CNTLN: variants seen among roughly 807,000 people sequenced by gnomAD.
The protein encoded by CNTLN is centlein, also known as centlein, centrosomal protein.
Under a neutral mutation model 180.0 loss-of-function variants are expected in CNTLN, and 212 were observed. The ratio of observed to expected loss-of-function variants is 1.18; its 90% CI spans 1.05 to 1.32. The LOEUF (loss-of-function observed/expected upper bound fraction) is 1.32, where lower values mean the gene tolerates loss of function less well. Ranked by LOEUF, CNTLN falls within the 40% of genes most tolerant of loss-of-function variation. CNTLN has a pLI of 0.00. For missense variants in CNTLN, 2,095 were observed against 1,610.9 expected (o/e 1.30, Z -5.14); for synonymous variants, 722 against 563.1 (o/e 1.28, Z -3.99).
At chr9:17,183,778 C>T (rs1417228383) in intron 2 of CNTLN, among the ~76,000 whole-genome samples, 1 of 152,068 alleles carries the variant, frequency 6.6e-6, no homozygotes, top group South Asian at 2.1e-4. Context: ...ATGAAATACA[C>T]TTCTGCATCC....
intron 23 of CNTLN, among the ~76,000 whole-genome samples, chr9:17,483,885 G>T (rs1042044424): frequency 1.3e-5 from 2 of 152,112 alleles, no homozygotes; most frequent in African/African-American, 4.8e-5. Flanking sequence ...ATTGGTTTAT[G>T]TAACCATTAA....
chr9:17,347,833 A>T (rs796661222), intron 12 of CNTLN, among the ~76,000 whole-genome samples: 1 of 151,952 alleles, frequency 6.6e-6, no homozygotes, highest in Non-Finnish European at 1.5e-5. Flanking sequence ...ATTTTATTTT[A>T]TTTATATATA....
At chr9:17,299,734 C>T in intron 7 of CNTLN, 4 of 983,470 alleles carry the variant, frequency 4.1e-6, no homozygotes, top group Non-Finnish European at 4.8e-6. Flanking sequence ...ATTTGAAACA[C>T]TGTACTTTAT....
chr9:17,192,323 C>G (rs1028741744), intron 2 of CNTLN, among the ~76,000 whole-genome samples: 11 of 149,826 alleles, frequency 7.3e-5, no homozygotes, highest in Admixed American at 2.0e-4. Context: ...ACTGCAAACT[C>G]TGCCTCCCGG....
At chr9:17,180,224 CTG>C (rs1473254810) in intron 2 of CNTLN, among the ~76,000 whole-genome samples, 7 of 141,724 alleles carry the variant, frequency 4.9e-5, no homozygotes, top group African/African-American at 1.8e-4. Flanking sequence ...TTTGCTATCT[CTG>C]TTTTTTTTTT....
At chr9:17,263,356 T>C (rs1482070506) in intron 5 of CNTLN, among the ~76,000 whole-genome samples, 3 of 151,012 alleles carry the variant, frequency 2.0e-5, no homozygotes, top group African/African-American at 7.4e-5. Context: ...TCCATGTCCC[T>C]ACAAAGGACA....
chr9:17,503,328 T>G lies in CNTLN; in HGVS notation c.*676T>G, dbSNP rs1833847620. 6.6e-6 allele frequency: 1 copy of G among 152,182 alleles called. No individual in the cohort carries two copies. Among genetic ancestry groups the G allele is most frequent in the South Asian group, 2.1e-4 (1 of 4,820 alleles). 9.4% of individuals were successfully genotyped at this position (152,182 alleles called of 1,614,324 possible). ...ACAAACCCAATGTATAAAATTAGGC[T>G]CTATTTAACAGAACTACTACTGTGG... On this transcript the variant is annotated 3_prime_UTR_variant, in exon 26 of 26. Coordinates refer to ENST00000380647, the MANE Select transcript of CNTLN (RefSeq NM_017738.4).
chr9:17,176,858 G>A (rs556150707), intron 2 of CNTLN, among the ~76,000 whole-genome samples: 1 of 152,292 alleles, frequency 6.6e-6, no homozygotes, highest in Non-Finnish European at 1.5e-5. Flanking sequence ...AAATTTATGT[G>A]TATAGCGTTG....
At chr9:17,430,536 ATTTC>A (rs901048677) in intron 18 of CNTLN, among the ~76,000 whole-genome samples, 1 of 151,974 alleles carries the variant, frequency 6.6e-6, no homozygotes, top group African/African-American at 2.4e-5. Flanking sequence ...TCAAAAATTT[ATTTC>A]TTTGTGTTGA....
intron 5 of CNTLN, among the ~76,000 whole-genome samples, chr9:17,263,394 A>G (rs1587393064): frequency 6.6e-6 from 1 of 151,104 alleles, no homozygotes; most frequent in East Asian, 1.9e-4. Context: ...ATGGCTGCAT[A>G]GTATTCCATG....
chr9:17,243,877 G>A (rs543638904), intron 5 of CNTLN, among the ~76,000 whole-genome samples: 1 of 152,216 alleles, frequency 6.6e-6, no homozygotes, highest in South Asian at 2.1e-4. Context: ...TTTTGGTCTG[G>A]ATTACCTATC....
At chr9:17,487,411 T>A (rs1191529405) in intron 25 of CNTLN, among the ~76,000 whole-genome samples, 1 of 152,182 alleles carries the variant, frequency 6.6e-6, no homozygotes, top group South Asian at 2.1e-4. Flanking sequence ...GTATTTGATA[T>A]GGACACCTGA....
chr9:17,351,457 C>T (rs554815747), intron 12 of CNTLN, among the ~76,000 whole-genome samples: 19 of 152,298 alleles, frequency 1.2e-4, no homozygotes, highest in Middle Eastern at 3.4e-3. Flanking sequence ...AATTCACGAT[C>T]TCCAAATTTA....
At chr9:17,241,138 G>A (rs1482477132) in intron 5 of CNTLN, among the ~76,000 whole-genome samples, 1 of 152,146 alleles carries the variant, frequency 6.6e-6, no homozygotes, top group Non-Finnish European at 1.5e-5. Context: ...GATTACAGGC[G>A]TGAGCCACCG....
At chr9:17,212,487 G>T (rs1376072589) in intron 2 of CNTLN, among the ~76,000 whole-genome samples, 1 of 152,190 alleles carries the variant, frequency 6.6e-6, no homozygotes. Flanking sequence ...TTCTGTGGAT[G>T]CTCATCAGGG....
At chr9:17,378,396 G>T (rs764833868) in intron 13 of CNTLN, among the ~76,000 whole-genome samples, 1 of 152,062 alleles carries the variant, frequency 6.6e-6, no homozygotes, top group Non-Finnish European at 1.5e-5. Flanking sequence ...GGCCAGGATG[G>T]TCTCGATCTC....
the CNTLN span, among the ~76,000 whole-genome samples, chr9:17,522,006 T>G: frequency 2.1e-5 from 3 of 142,864 alleles, no homozygotes; most frequent in African/African-American, 7.3e-5. Flanking sequence ...AATCATGACC[T>G]GTTAGCTCAA....
intron 2 of CNTLN, among the ~76,000 whole-genome samples, chr9:17,182,810 T>TA (rs1821201618): frequency 6.6e-6 from 1 of 152,198 alleles, no homozygotes; most frequent in South Asian, 2.1e-4. Flanking sequence ...AGCACATTGC[T>TA]AGAGTTTTGG....
At chr9:17,326,251 T>A (rs10810757) in intron 8 of CNTLN, among the ~76,000 whole-genome samples, 43,454 of 151,894 alleles carry the variant, frequency 0.29, 6,592 homozygotes, top group South Asian at 0.51. Flanking sequence ...ACTATACCAT[T>A]GTATTTCAAG....
Sources: gnomAD v4.1 joint callset for allele counts (sites outside exome capture counted in the v4.1 genomes callset) on GRCh38, gnomAD v4.1.1 for gene constraint, MANE v1.5 for transcripts, NCBI Gene and HGNC (gene_info 2026-07-23, HGNC 2026-07-21) for gene names.